Variants in HPRT1 observed in about 807,000 individuals in gnomAD.
HPRT1 encodes the protein hypoxanthine-guanine phosphoribosyltransferase.
HPRT1 carries 4 observed loss-of-function variants against 19.0 expected under a neutral mutation model. The observed-to-expected ratio is 0.21, with a 90% CI of 0.10 to 0.48. The LOEUF (loss-of-function observed/expected upper bound fraction) is 0.48, where lower values mean the gene tolerates loss of function less well. Among genes scored for constraint, HPRT1 ranks in the 20% least tolerant of loss-of-function variants. The pLI is 0.98. For missense variants in HPRT1, 65 were observed against 164.0 expected (o/e 0.40, Z 3.30); for synonymous variants, 53 against 54.9 (o/e 0.97, Z 0.15).
chrX:134,490,920 G>A (rs1293896577), intron 5 of HPRT1, among the ~76,000 whole-genome samples: 5 of 105,787 alleles, frequency 4.7e-5, no homozygotes, highest in Non-Finnish European at 7.7e-5. Context: ...TTTTCACACC[G>A]TCAACTTCGT....
In HPRT1 at chrX:134,498,325, GTCTTC is replaced by G. The variant is rs1276483748; in HGVS notation, c.486-60_486-56del. On this transcript the variant is annotated intron_variant, in intron 6 of 8. Coordinates refer to ENST00000298556, the MANE Select transcript of HPRT1 (RefSeq NM_000194.3). ...AATGAAACAGTGTTTAGAAACGTCA[GTCTTC>G]TCTTTTGTAATGCCCTGTAGTCTCT... 3.4e-6 allele frequency: 3 copies of G among 881,531 alleles called. No individual in the cohort carries two copies. The African/African-American group carries it at 5.9e-5, about 17-fold the overall frequency. The allele number at this position is 881,531 out of a possible 1,213,427, so 72.6% of individuals were successfully genotyped here. A position where few individuals can be genotyped will look rare whatever the true frequency, so the allele number is the denominator to read the frequency against.
intron 1 of HPRT1, among the ~76,000 whole-genome samples, chrX:134,464,777 C>T (rs748491096): frequency 9.1e-6 from 1 of 109,706 alleles, no homozygotes; most frequent in South Asian, 3.9e-4. Flanking sequence ...CCGTGTTGGC[C>T]AGGATGGTCT....
At chrX:134,475,421 T>C in intron 3 of HPRT1, 57 bp downstream of exon 3, 1 of 801,369 alleles carries the variant, frequency 1.2e-6, no homozygotes, top group Non-Finnish European at 1.9e-6. Flanking sequence ...TTCTTATATT[T>C]TCTTTGAATC....
intron 4 of HPRT1, among the ~76,000 whole-genome samples, chrX:134,487,044 A>G (rs754878935): frequency 9.0e-6 from 1 of 111,201 alleles, no homozygotes; most frequent in South Asian, 3.8e-4. Flanking sequence ...TAGCAGCCAT[A>G]GAGTTAAGAG....
chrX:134,487,341 G>C (rs765190943), intron 4 of HPRT1, among the ~76,000 whole-genome samples: 2 of 110,541 alleles, frequency 1.8e-5, no homozygotes, highest in Non-Finnish European at 3.8e-5. Context: ...TTATCTTCTA[G>C]TACATTGAAA....
At chrX:134,476,024 G>T (rs1351751942) in intron 3 of HPRT1, among the ~76,000 whole-genome samples, 1 of 112,110 alleles carries the variant, frequency 8.9e-6, no homozygotes, top group East Asian at 2.8e-4. Context: ...CTGATTTTAT[G>T]TTGGGTTGGT....
chrX:134,462,734 T>A (rs2077588004), intron 1 of HPRT1, among the ~76,000 whole-genome samples: 1 of 112,516 alleles, frequency 8.9e-6, no homozygotes, highest in Non-Finnish European at 1.9e-5. Context: ...TCATTGTTTT[T>A]AGTTTGCAAA....
At chrX:134,499,798 C>T (rs1352220792) in intron 8 of HPRT1, among the ~76,000 whole-genome samples, 1 of 108,460 alleles carries the variant, frequency 9.2e-6, no homozygotes, top group South Asian at 4.0e-4. Context: ...AGCAAGACTC[C>T]GTCTCAAAAA....
chrX:134,497,235 GGGA>G (rs756940901), intron 6 of HPRT1, among the ~76,000 whole-genome samples: 1 of 110,086 alleles, frequency 9.1e-6, no homozygotes, highest in African/African-American at 3.3e-5. Context: ...AGGCTGAGGG[GGGA>G]GGATCGCTAG....
chrX:134,490,977 CCTCTCTCTCT>C (rs755918860), intron 5 of HPRT1, among the ~76,000 whole-genome samples: 4 of 91,837 alleles, frequency 4.4e-5, no homozygotes, highest in African/African-American at 1.6e-4. Context: ...TCACTAACAG[CCTCTCTCTCT>C]CTCTCTCTCT....
chrX:134,498,372 A>C lies in HPRT1; in HGVS notation c.486-18A>C. 2 of 1,179,692 alleles carry C rather than the reference A, an allele frequency of 1.7e-6. No individual in the cohort carries two copies. The highest frequency in any genetic ancestry group is 2.3e-6 in the Non-Finnish European group (2 of 866,012). On this transcript the variant is annotated intron_variant, in intron 6 of 8. Coordinates refer to ENST00000298556, the MANE Select transcript of HPRT1 (RefSeq NM_000194.3). ...GTAGTCTCTCTGTATGTTATATGTC[A>C]CATTTTGTAATTAACAGCTTGCTGG...
intron 2 of HPRT1, 133 bp downstream of exon 2, chrX:134,473,598 T>A: frequency 2.2e-6 from 1 of 461,710 alleles, no homozygotes; most frequent in South Asian, 3.1e-5. Context: ...TTCTAAAATC[T>A]TCTTTATTAA....
chrX:134,493,428 T>C, intron 5 of HPRT1, 80 bp from the exon 6 acceptor site: 1 of 630,763 alleles, frequency 1.6e-6, no homozygotes, highest in Non-Finnish European at 2.7e-6. Context: ...AATGACAGTA[T>C]TGCAGTTATA....
intron 4 of HPRT1, 152 bp downstream of exon 4, chrX:134,486,682 C>A: frequency 2.1e-6 from 1 of 477,787 alleles, no homozygotes; most frequent in East Asian, 4.2e-5. Context: ...TTATCGTTCC[C>A]TAGGTCATGT....
chrX:134,494,264 A>AC (rs1223401143), intron 6 of HPRT1, among the ~76,000 whole-genome samples: 1 of 112,165 alleles, frequency 8.9e-6, no homozygotes, highest in African/African-American at 3.2e-5. Context: ...TTGCTACCTT[A>AC]AGTTTTTAAT....
rs17878547 is a variant in HPRT1, at chrX:134,469,049, C to T, written c.28-4310C>T. ...CTGGGATTACAGGCGTGAGCCACCT[C>T]GCCCGGCCTTGTATTATGATACATT... On this transcript the variant is annotated intron_variant, in intron 1 of 8. Transcript: ENST00000298556. 8.4e-3 allele frequency among the ~76,000 whole-genome samples: 931 copies of T among 111,192 alleles called. 7 individuals carry two copies. The highest frequency in any genetic ancestry group is 0.011 in the Non-Finnish European group (568 of 53,098).
intron 4 of HPRT1, 24 bp from the exon 5 acceptor site, chrX:134,490,163 AT>A: frequency 1.0e-6 from 1 of 985,898 alleles, no homozygotes; most frequent in Non-Finnish European, 1.4e-6. Context: ...CATTGTACTG[AT>A]TTTCATTTCT....
chrX:134,460,229 T>TTGCTGCGCCTCCGCCTCCTCCTC lies in HPRT1; in HGVS notation c.-78_-56dup. ...CGGCTTTCCCGCGCGGCGCCGCCTC[T>TTGCTGCGCCTCCGCCTCCTCCTC]TGCTGCGCCTCCGCCTCCTCCTCTG... On this transcript the variant is annotated 5_prime_UTR_variant, in exon 1 of 9. Coordinates refer to ENST00000298556, the MANE Select transcript of HPRT1 (RefSeq NM_000194.3). 1 of 1,024,480 alleles carries TTGCTGCGCCTCCGCCTCCTCCTC rather than the reference T, an allele frequency of 9.8e-7. No individual in the cohort carries two copies. 84.4% of individuals were successfully genotyped at this position (1,024,480 alleles called of 1,213,427 possible).
chrX:134,475,434 T>C, intron 3 of HPRT1, 70 bp downstream of exon 3: 1 of 685,699 alleles, frequency 1.5e-6, no homozygotes, highest in Non-Finnish European at 2.3e-6. Flanking sequence ...TTTGAATCTC[T>C]GCAAACCATA....
Sources: allele counts gnomAD v4.1 joint callset (sites outside exome capture counted in the v4.1 genomes callset), GRCh38; gene constraint gnomAD v4.1.1; transcripts MANE v1.5; gene names NCBI Gene and HGNC (gene_info 2026-07-23, HGNC 2026-07-21).